The following NDST3 variants were observed in gnomAD, a reference collection of about 807,000 sequenced individuals.
The protein encoded by NDST3 is bifunctional heparan sulfate N-deacetylase/N-sulfotransferase 3.
NDST3 carries 58 observed loss-of-function variants against 96.1 expected under a neutral mutation model. The ratio of observed to expected loss-of-function variants is 0.60; its 90% CI spans 0.49 to 0.75. The LOEUF (loss-of-function observed/expected upper bound fraction) is 0.75, where lower values mean the gene tolerates loss of function less well. Among genes scored for constraint, NDST3 ranks in the 30% least tolerant of loss-of-function variants. NDST3 has a pLI of 0.00. For missense variants in NDST3, 788 were observed against 1,034.2 expected (o/e 0.76, Z 3.27); for synonymous variants, 333 against 359.7 (o/e 0.93, Z 0.84).
intron 2 of NDST3, among the ~76,000 whole-genome samples, chr4:118,078,043 G>C (rs1727703043): frequency 6.6e-6 from 1 of 152,202 alleles, no homozygotes; most frequent in Admixed American, 6.5e-5. Flanking sequence ...AAGTGTGGGG[G>C]ATGGAGCGGG....
At chr4:118,110,974 T>C (rs914930870) in intron 3 of NDST3, among the ~76,000 whole-genome samples, 1 of 152,182 alleles carries the variant, frequency 6.6e-6, no homozygotes, top group African/African-American at 2.4e-5. Context: ...CATGGAATAC[T>C]ACACAGCCAT....
intron 4 of NDST3, among the ~76,000 whole-genome samples, chr4:118,125,238 A>G (rs1731950678): frequency 6.6e-6 from 1 of 151,988 alleles, no homozygotes; most frequent in Non-Finnish European, 1.5e-5. Context: ...CATTTCTATC[A>G]CTCAGGAAAT....
intron 2 of NDST3, among the ~76,000 whole-genome samples, chr4:118,068,948 T>A (rs2125797363): frequency 6.6e-6 from 1 of 152,238 alleles, no homozygotes; most frequent in South Asian, 2.1e-4. Context: ...TTGGCAAATA[T>A]GTGTACATGT....
chr4:118,069,600 A>G (rs1328281613), intron 2 of NDST3, among the ~76,000 whole-genome samples: 1 of 152,028 alleles, frequency 6.6e-6, no homozygotes, highest in African/African-American at 2.4e-5. Context: ...GCAAAAAGCA[A>G]TTCTCTCCTC....
chr4:118,151,145 C>A (rs1303437883), intron 6 of NDST3, among the ~76,000 whole-genome samples: 1 of 152,024 alleles, frequency 6.6e-6, no homozygotes, highest in South Asian at 2.1e-4. Context: ...GAACAAAAAA[C>A]CAAACACCGC....
chr4:118,230,378 A>G (rs766678773), intron 8 of NDST3, among the ~76,000 whole-genome samples: 4 of 152,110 alleles, frequency 2.6e-5, no homozygotes, highest in Non-Finnish European at 5.9e-5. Context: ...GATCGAGACC[A>G]TCCTGGCTAA....
intron 5 of NDST3, among the ~76,000 whole-genome samples, chr4:118,138,623 T>C (rs1217918037): frequency 6.6e-6 from 1 of 152,210 alleles, no homozygotes; most frequent in African/African-American, 2.4e-5. Context: ...AGTCAAACTG[T>C]GTTCTTCTAT....
intron 6 of NDST3, among the ~76,000 whole-genome samples, chr4:118,151,918 C>T (rs1223965834): frequency 6.6e-6 from 1 of 152,114 alleles, no homozygotes; most frequent in Non-Finnish European, 1.5e-5. Context: ...CAGACTCTTT[C>T]AAAGTATTTA....
At chr4:118,090,249 T>C (rs1728756787) in intron 2 of NDST3, among the ~76,000 whole-genome samples, 1 of 151,990 alleles carries the variant, frequency 6.6e-6, no homozygotes, top group Non-Finnish European at 1.5e-5. Context: ...TCCTACTTTT[T>C]TCACAAAGAG....
rs1025198973 is a variant in NDST3 at position 118,224,511 on chromosome 4, T to C, written c.1560T>C (p.His520=). 3 of 1,606,460 alleles carry C rather than the reference T, an allele frequency of 1.9e-6. No homozygotes were observed. Among genetic ancestry groups the C allele is most frequent in the East Asian group, 4.5e-5 (2 of 44,776 alleles). The change falls in exon 7 of 14, where the codon CAT becomes CAC. Residue 520 remains histidine, a synonymous_variant. Transcript: ENST00000296499. ...TTCAGATCAGCATTTTCATGACCCA[T>C]TTGTCCAACTATGGGAATGACCGAC... ...VLNPISIFMT[H]LSNYGNDRLG...
intron 6 of NDST3, among the ~76,000 whole-genome samples, chr4:118,169,481 T>C (rs1337560097): frequency 6.6e-6 from 1 of 152,046 alleles, no homozygotes; most frequent in Non-Finnish European, 1.5e-5. Context: ...TCATGATTTC[T>C]GTAGGTCAGA....
intron 6 of NDST3, among the ~76,000 whole-genome samples, chr4:118,149,113 T>C (rs1035468040): frequency 5.3e-5 from 8 of 152,310 alleles, no homozygotes; most frequent in East Asian, 1.9e-4. Flanking sequence ...CATTGATCTA[T>C]ATCTGTGTTT....
chr4:118,119,638 GA>G (rs1731387413), intron 4 of NDST3, among the ~76,000 whole-genome samples: 1 of 152,156 alleles, frequency 6.6e-6, no homozygotes, highest in African/African-American at 2.4e-5. Flanking sequence ...ATAGCTGAAG[GA>G]AATTCAAGAA....
intron 6 of NDST3, among the ~76,000 whole-genome samples, chr4:118,224,246 AT>A (rs1355985174): frequency 5.3e-5 from 8 of 152,210 alleles, no homozygotes; most frequent in East Asian, 1.9e-4. Context: ...TGTTGAATGT[AT>A]TTTTTTGTTA....
chr4:118,184,201 T>A (rs898174395), intron 6 of NDST3, among the ~76,000 whole-genome samples: 8 of 152,210 alleles, frequency 5.3e-5, no homozygotes, highest in Non-Finnish European at 1.0e-4. Flanking sequence ...TAAAAAGTAT[T>A]CATCCTCTGC....
At chr4:118,080,313 A>G (rs1464676311) in intron 2 of NDST3, among the ~76,000 whole-genome samples, 1 of 151,990 alleles carries the variant, frequency 6.6e-6, no homozygotes, top group African/African-American at 2.4e-5. Context: ...TAGAGTTCAG[A>G]GAGATGTTGG....
At position 118,249,507 on chromosome 4, in the gene NDST3, G is replaced by A. The variant is rs140386960; in HGVS notation, c.2400-3992G>A. Reference sequence around the variant, plus strand: ...CACTAATTTATTCAGTTGCCTTACCGATTCAAACAAGACCATAAACAGCAT... The same window carrying A: ...CACTAATTTATTCAGTTGCCTTACCAATTCAAACAAGACCATAAACAGCAT... On this transcript the variant is annotated intron_variant, in intron 12 of 13. Transcript: ENST00000296499. Among the ~76,000 whole-genome samples the A allele has an allele frequency of 9.2e-5, 14 of 152,100 alleles. No homozygotes were observed. In the East Asian group the frequency reaches 2.1e-3, roughly 23 times the overall value.
intron 6 of NDST3, among the ~76,000 whole-genome samples, chr4:118,176,227 T>C (rs1340477154): frequency 1.3e-5 from 2 of 151,868 alleles, no homozygotes; most frequent in Non-Finnish European, 2.9e-5. Flanking sequence ...AACCTGCACA[T>C]CTTGCACATG....
intron 9 of NDST3, among the ~76,000 whole-genome samples, chr4:118,236,146 G>A (rs1341109790): frequency 1.3e-5 from 2 of 152,166 alleles, no homozygotes; most frequent in African/African-American, 4.8e-5. Context: ...TGAAGGGGGT[G>A]GCAATGGAGG....
Sources: gnomAD v4.1 joint callset for allele counts (sites outside exome capture counted in the v4.1 genomes callset) on GRCh38, gnomAD v4.1.1 for gene constraint, MANE v1.5 for transcripts, NCBI Gene and HGNC (gene_info 2026-07-23, HGNC 2026-07-21) for gene names.